The following JARID2 variants were observed in gnomAD, a reference collection of about 807,000 sequenced individuals.
JARID2 encodes jumonji and AT-rich interaction domain containing 2.
JARID2 carries 21 observed loss-of-function variants against 125.6 expected under a neutral mutation model. The ratio of observed to expected loss-of-function variants is 0.17; its 90% CI spans 0.12 to 0.24. The LOEUF (loss-of-function observed/expected upper bound fraction) is 0.24. Among genes scored for constraint, JARID2 ranks in the 10% least tolerant of loss-of-function variants. The pLI is 1.00. For missense variants in JARID2, 1,303 were observed against 1,639.6 expected (o/e 0.79, Z 3.55); for synonymous variants, 736 against 661.6 (o/e 1.11, Z -1.73).
chr6:15,408,577 C>A (rs1308916647), intron 2 of JARID2, among the ~76,000 whole-genome samples: 1 of 152,164 alleles, frequency 6.6e-6, no homozygotes, highest in African/African-American at 2.4e-5. Flanking sequence ...TTAGTTTCTG[C>A]AGTCACACTC....
At chr6:15,393,118 C>T (rs1561833466) in intron 2 of JARID2, among the ~76,000 whole-genome samples, 1 of 152,148 alleles carries the variant, frequency 6.6e-6, no homozygotes, top group African/African-American at 2.4e-5. Context: ...TATCCCTATG[C>T]TCTGTTCTTG....
At chr6:15,503,101 G>A (rs567708017) in intron 8 of JARID2, among the ~76,000 whole-genome samples, 2 of 152,318 alleles carry the variant, frequency 1.3e-5, no homozygotes, top group East Asian at 1.9e-4. Context: ...ATTTCATCAC[G>A]GAAATATAGT....
At chr6:15,304,451 C>T (rs1297999544) in intron 1 of JARID2, among the ~76,000 whole-genome samples, 10 of 152,010 alleles carry the variant, frequency 6.6e-5, no homozygotes, top group Admixed American at 5.2e-4. Flanking sequence ...TCTCCCAGTC[C>T]GTCCAAGTTG....
intron 4 of JARID2, among the ~76,000 whole-genome samples, chr6:15,454,963 A>G (rs1335213194): frequency 6.6e-6 from 1 of 152,130 alleles, no homozygotes; most frequent in Non-Finnish European, 1.5e-5. Context: ...TCAGGAATGG[A>G]GAACGAGTGG....
chr6:15,259,956 A>G (rs911839500), intron 1 of JARID2, among the ~76,000 whole-genome samples: 29 of 152,172 alleles, frequency 1.9e-4, no homozygotes, highest in Non-Finnish European at 5.9e-5. Context: ...ATTCATCTCA[A>G]TGCAGCAGTG....
intron 1 of JARID2, among the ~76,000 whole-genome samples, chr6:15,262,285 C>A (rs887384643): frequency 6.6e-6 from 1 of 151,846 alleles, no homozygotes; most frequent in Non-Finnish European, 1.5e-5. Context: ...CAGCCTCTTA[C>A]ACCTACGAAT....
rs900117412 is a variant in JARID2 at position 15,399,163 on chromosome 6, G to C, written c.182-11061G>C. The stretch of plus-strand genomic sequence containing the variant: ...GCTGCACTGTAGAGCACTAAATAAG[G>C]GTCTGCTCTGGGGGCTCACCCTGGC... On this transcript the variant is annotated intron_variant, in intron 2 of 17. Transcript: ENST00000341776. Among the ~76,000 whole-genome samples the C allele has an allele frequency of 1.2e-4, 18 of 152,108 alleles. No homozygotes were observed. In the East Asian group the frequency reaches 3.1e-3, roughly 26 times the overall value.
intron 4 of JARID2, among the ~76,000 whole-genome samples, chr6:15,463,897 CCTTT>C (rs1768582954): frequency 6.6e-6 from 1 of 152,174 alleles, no homozygotes; most frequent in Non-Finnish European, 1.5e-5. Context: ...TTTGAAATAT[CCTTT>C]CTTTCATCCT....
chr6:15,389,944 A>C (rs116540196), intron 2 of JARID2, among the ~76,000 whole-genome samples: 1 of 152,172 alleles, frequency 6.6e-6, no homozygotes, highest in Non-Finnish European at 1.5e-5. Context: ...GTGTATTTCT[A>C]TTTTTAACTG....
At chr6:15,413,830 G>A (rs951265986) in intron 3 of JARID2, among the ~76,000 whole-genome samples, 1 of 152,064 alleles carries the variant, frequency 6.6e-6, no homozygotes, top group Non-Finnish European at 1.5e-5. Context: ...TTCCGTTCAC[G>A]AGGGCAGATC....
At chr6:15,254,196 C>T (rs1759565340) in intron 1 of JARID2, among the ~76,000 whole-genome samples, 1 of 152,218 alleles carries the variant, frequency 6.6e-6, no homozygotes, top group Admixed American at 6.5e-5. Flanking sequence ...GGAAGACTGA[C>T]ATCCCGTGTC....
At chr6:15,260,948 C>T (rs1208639737) in intron 1 of JARID2, among the ~76,000 whole-genome samples, 3 of 152,168 alleles carry the variant, frequency 2.0e-5, no homozygotes, top group African/African-American at 7.2e-5. Context: ...TTTCCCTTGC[C>T]TTCTTCCATG....
At chr6:15,308,418 C>T (rs539710663) in intron 1 of JARID2, among the ~76,000 whole-genome samples, 1 of 152,308 alleles carries the variant, frequency 6.6e-6, no homozygotes, top group Non-Finnish European at 1.5e-5. Flanking sequence ...TTTCCCTCAA[C>T]TCAGCCTCTC....
At chr6:15,361,714 C>T (rs1045345829) in intron 1 of JARID2, among the ~76,000 whole-genome samples, 3 of 152,026 alleles carry the variant, frequency 2.0e-5, no homozygotes, top group Non-Finnish European at 4.4e-5. Flanking sequence ...ATTCCAGCGT[C>T]ATAGAGCTAA....
At chr6:15,441,276 T>C (rs1767435020) in intron 3 of JARID2, among the ~76,000 whole-genome samples, 1 of 152,236 alleles carries the variant, frequency 6.6e-6, no homozygotes, top group African/African-American at 2.4e-5. Context: ...ATGGTATTAC[T>C]AATAGCGTTG....
chr6:15,323,983 C>T (rs187044184), intron 1 of JARID2, among the ~76,000 whole-genome samples: 3,078 of 151,754 alleles, frequency 0.02, 55 homozygotes, highest in Non-Finnish European at 0.03. Flanking sequence ...CAGATCGAGA[C>T]CATCCTGGCT....
intron 6 of JARID2, among the ~76,000 whole-genome samples, chr6:15,493,142 C>T (rs1216468337): frequency 2.0e-5 from 3 of 151,890 alleles, no homozygotes; most frequent in Non-Finnish European, 4.4e-5. Context: ...AACCAAAGGC[C>T]TTACACTCTT....
intron 1 of JARID2, among the ~76,000 whole-genome samples, chr6:15,368,134 TTTTTGTC>T (rs1232081491): frequency 6.6e-6 from 1 of 152,218 alleles, no homozygotes; most frequent in Non-Finnish European, 1.5e-5. Flanking sequence ...ATCATGTACC[TTTTTGTC>T]TTGTAAAGCA....
intron 4 of JARID2, among the ~76,000 whole-genome samples, chr6:15,460,680 TTTGTTGTTG>T (rs150851411): frequency 2.6e-4 from 40 of 151,098 alleles, no homozygotes; most frequent in East Asian, 9.8e-4. Flanking sequence ...GAATGCTCAT[TTTGTTGTTG>T]TTGTTGTTGT....
Sources: gnomAD v4.1 joint callset for allele counts (sites outside exome capture counted in the v4.1 genomes callset) on GRCh38, gnomAD v4.1.1 for gene constraint, MANE v1.5 for transcripts, NCBI Gene and HGNC (gene_info 2026-07-23, HGNC 2026-07-21) for gene names.